Variants in DYNC2LI1 observed in about 807,000 individuals in gnomAD.
DYNC2LI1 encodes the protein dynein cytoplasmic 2 light intermediate chain 1.
Under a neutral mutation model 51.9 loss-of-function variants are expected in DYNC2LI1, and 45 were observed. The ratio of observed to expected loss-of-function variants is 0.87; its 90% confidence interval spans 0.68 to 1.11. DYNC2LI1 has a LOEUF of 1.11. Among genes scored for constraint, DYNC2LI1 ranks in the 50% most tolerant of loss-of-function variants. The pLI is 0.00. For synonymous variants in DYNC2LI1, 130 were observed against 137.8 expected (o/e 0.94, Z 0.40); for missense variants, 490 against 417.4 (o/e 1.17, Z -1.51).
downstream of DYNC2LI1, among the ~76,000 whole-genome samples, chr2:43,814,964 T>C (rs949686417): frequency 6.6e-5 from 10 of 152,224 alleles, no homozygotes; most frequent in African/African-American, 1.9e-4. Flanking sequence ...TGGTGGCCTG[T>C]TATAGTGAAG....
At chr2:43,779,981 A>G (rs1054199376) in intron 2 of DYNC2LI1, among the ~76,000 whole-genome samples, 8 of 152,174 alleles carry the variant, frequency 5.3e-5, no homozygotes, top group Non-Finnish European at 7.3e-5. Flanking sequence ...AGCTCAGGGC[A>G]TGAATGGTAT....
At chr2:43,820,346 C>G in the DYNC2LI1 span, among the ~76,000 whole-genome samples, 13 of 152,188 alleles carry the variant, frequency 8.5e-5, no homozygotes, top group Non-Finnish European at 1.8e-4. Flanking sequence ...TCCTTCAGCT[C>G]TCATAGGAAA....
At chr2:43,803,328 A>G (rs556015813) in intron 10 of DYNC2LI1, among the ~76,000 whole-genome samples, 1 of 152,340 alleles carries the variant, frequency 6.6e-6, no homozygotes, top group Admixed American at 6.5e-5. Flanking sequence ...ACCAGGAAAC[A>G]CTACTCAGTC....
chr2:43,793,559 A>G (rs1424731240), intron 5 of DYNC2LI1: 1 of 150,864 alleles, frequency 6.6e-6, no homozygotes, highest in East Asian at 1.9e-4. Flanking sequence ...GGCCATCTGT[A>G]TATCTTCTTT....
chr2:43,800,124 G>A (rs1222004627), intron 8 of DYNC2LI1, among the ~76,000 whole-genome samples: 3 of 152,066 alleles, frequency 2.0e-5, no homozygotes, highest in Admixed American at 6.5e-5. Context: ...ATGACTTTTG[G>A]TATCTACAGA....
chr2:43,781,263 G>A (rs991206893), intron 2 of DYNC2LI1, among the ~76,000 whole-genome samples: 8 of 151,848 alleles, frequency 5.3e-5, no homozygotes, highest in Non-Finnish European at 7.4e-5. Flanking sequence ...CAGCTACTCC[G>A]GAGGCTGAGG....
chr2:43,814,538 G>A (rs1052639205), downstream of DYNC2LI1: 1 of 1,609,766 alleles, frequency 6.2e-7, no homozygotes, highest in Non-Finnish European at 8.5e-7. Flanking sequence ...AATATTTTTG[G>A]AATGTAAAAT....
intron 2 of DYNC2LI1, among the ~76,000 whole-genome samples, chr2:43,782,522 G>A (rs1346408282): frequency 2.6e-5 from 3 of 113,558 alleles, no homozygotes; most frequent in Non-Finnish European, 5.5e-5. Context: ...TCTTTTATCT[G>A]TTTCCTTGCA....
At chr2:43,808,931 A>C (rs1666374387) in intron 12 of DYNC2LI1, among the ~76,000 whole-genome samples, 1 of 151,062 alleles carries the variant, frequency 6.6e-6, no homozygotes, top group Admixed American at 6.6e-5. Context: ...ATGGATGATA[A>C]ATTTCTAAAA....
At chr2:43,808,219 T>C (rs554758980) in intron 12 of DYNC2LI1, among the ~76,000 whole-genome samples, 2 of 151,850 alleles carry the variant, frequency 1.3e-5, no homozygotes, top group African/African-American at 4.8e-5. Context: ...TACATATGAT[T>C]ATTACCATGA....
Position 43,795,971 on chromosome 2 carries a change from G to A in DYNC2LI1, c.576+13G>A, listed in dbSNP as rs374364789. On this transcript the variant is annotated intron_variant, in intron 7 of 12. Coordinates refer to ENST00000260605, the MANE Select transcript of DYNC2LI1 (RefSeq NM_016008.4). ...TGATGTTTTTCAGGTAAGCTCTTCCGCTTCTAGCTGAGTTTGTTGTACATA... is the reference window on the plus strand; with the variant it reads ...TGATGTTTTTCAGGTAAGCTCTTCCACTTCTAGCTGAGTTTGTTGTACATA... 6.2e-6 allele frequency: 10 copies of A among 1,604,456 alleles called. No individual in the cohort carries two copies. The highest frequency in any genetic ancestry group is 2.2e-5 in the East Asian group (1 of 44,746).
chr2:43,808,951 C>G (rs1666375009), intron 12 of DYNC2LI1, among the ~76,000 whole-genome samples: 1 of 143,676 alleles, frequency 7.0e-6, no homozygotes, highest in Non-Finnish European at 1.5e-5. Context: ...AGTAAAATCA[C>G]TGGGACAAAG....
intron 5 of DYNC2LI1, among the ~76,000 whole-genome samples, chr2:43,792,035 T>C (rs947963671): frequency 6.6e-6 from 1 of 152,168 alleles, no homozygotes; most frequent in Non-Finnish European, 1.5e-5. Context: ...TTTTATGTTA[T>C]ATCCATTTCA....
chr2:43,815,359 A>G, the DYNC2LI1 span, among the ~76,000 whole-genome samples: 1 of 152,204 alleles, frequency 6.6e-6, no homozygotes, highest in South Asian at 2.1e-4. Flanking sequence ...GATGTATCCT[A>G]TCCCTAAAGA....
rs201121259 is a variant in DYNC2LI1, at chr2:43,789,662, C to T, written c.261C>T (p.Leu87=). The T allele has an allele frequency of 3.1e-5, 50 of 1,613,820 alleles. 2 individuals carry two copies. The East Asian group carries it at 6.7e-4, about 22-fold the overall frequency. Residue 87 remains leucine (L), a synonymous_variant, in exon 5 of 13, where the codon CTC becomes CTT. Coordinates refer to ENST00000260605, the MANE Select transcript of DYNC2LI1 (RefSeq NM_016008.4). The stretch of plus-strand genomic sequence containing the variant: ...AAGATATCGCTCACTTTTGGGAACT[C>T]GGTGGAGGAACCTCTTTATTGGACT... The part of the protein sequence containing the change: ...TPKDIAHFWE[L]GGGTSLLDLI...
chr2:43,817,770 T>C, the DYNC2LI1 span, among the ~76,000 whole-genome samples: 5,686 of 151,486 alleles, frequency 0.038, 295 homozygotes, highest in African/African-American at 0.12. Flanking sequence ...ATTAGCCAGG[T>C]GTAATGGCAG....
chr2:43,816,941 C>T, the DYNC2LI1 span, among the ~76,000 whole-genome samples: 1 of 152,120 alleles, frequency 6.6e-6, no homozygotes, highest in African/African-American at 2.4e-5. Flanking sequence ...GAAAACACAG[C>T]AAAGCTAATT....
chr2:43,791,394 C>G (rs1459671420), intron 5 of DYNC2LI1, among the ~76,000 whole-genome samples: 1 of 152,058 alleles, frequency 6.6e-6, no homozygotes, highest in Non-Finnish European at 1.5e-5. Flanking sequence ...AGGTTTTGGC[C>G]TGCTGGGGTT....
chr2:43,809,659 T>G (rs773049603), intron 12 of DYNC2LI1, 46 bp from the exon 13 acceptor site: 4 of 1,422,264 alleles, frequency 2.8e-6, no homozygotes, highest in African/African-American at 2.8e-5. Flanking sequence ...CCTCCTTGAA[T>G]TAGTAAAGTT....
Sources: allele counts gnomAD v4.1 joint callset (sites outside exome capture counted in the v4.1 genomes callset), GRCh38; gene constraint gnomAD v4.1.1; transcripts MANE v1.5; gene names NCBI Gene and HGNC (gene_info 2026-07-23, HGNC 2026-07-21).